FOXP1: variants seen among roughly 807,000 people sequenced by gnomAD.
The protein encoded by FOXP1 is forkhead box P1, also known as forkhead box protein P1.
In FOXP1, 15 loss-of-function variants were observed where a neutral mutation model predicts 98.2. That is an observed-to-expected ratio of 0.15 (90% CI 0.10 to 0.24). FOXP1 has a LOEUF of 0.24. Ranked by LOEUF, FOXP1 falls within the 10% of genes least tolerant of loss-of-function variation. FOXP1 has a pLI of 1.00. For missense variants in FOXP1, 633 were observed against 848.5 expected (o/e 0.75, Z 3.15); for synonymous variants, 371 against 314.5 (o/e 1.18, Z -1.90).
chr3:70,974,131 G>A (rs1040696366), intron 17 of FOXP1, among the ~76,000 whole-genome samples: 13 of 151,934 alleles, frequency 8.6e-5, no homozygotes, highest in East Asian at 1.9e-4. Flanking sequence ...AATTGAGGTC[G>A]GTTCAAGATA....
intron 6 of FOXP1, among the ~76,000 whole-genome samples, chr3:71,190,516 C>G (rs2062902176): frequency 1.3e-5 from 2 of 151,174 alleles, no homozygotes; most frequent in South Asian, 4.2e-4. Flanking sequence ...AACTCAGAAG[C>G]CTGATGGTGG....
chr3:71,245,619 C>G (rs1420706166), intron 5 of FOXP1, among the ~76,000 whole-genome samples: 1 of 140,496 alleles, frequency 7.1e-6, no homozygotes, highest in Non-Finnish European at 1.5e-5. Flanking sequence ...TTAGAAGTAC[C>G]TGCTAAATAA....
At chr3:71,243,816 T>C (rs1419624806) in intron 5 of FOXP1, among the ~76,000 whole-genome samples, 2 of 152,230 alleles carry the variant, frequency 1.3e-5, no homozygotes, top group African/African-American at 4.8e-5. Flanking sequence ...TCTTGTGGTC[T>C]TTACTCTTTC....
intron 2 of FOXP1, among the ~76,000 whole-genome samples, chr3:71,499,382 C>T (rs1310797401): frequency 1.3e-5 from 2 of 152,198 alleles, no homozygotes; most frequent in East Asian, 3.8e-4. Context: ...TTTGAGAATG[C>T]TAAATGGCAA....
chr3:70,960,664 C>T (rs2033165600), intron 20 of FOXP1, among the ~76,000 whole-genome samples: 2 of 151,984 alleles, frequency 1.3e-5, no homozygotes, highest in Admixed American at 1.3e-4. Context: ...GGATGGTTGG[C>T]TTCCTAAATA....
At chr3:71,194,951 T>C (rs750764647) in intron 6 of FOXP1, among the ~76,000 whole-genome samples, 1 of 152,084 alleles carries the variant, frequency 6.6e-6, no homozygotes, top group Non-Finnish European at 1.5e-5. Flanking sequence ...GGCTTCTGAG[T>C]GATGAGTCTA....
intron 4 of FOXP1, among the ~76,000 whole-genome samples, chr3:71,352,143 T>C (rs757388554): frequency 6.6e-5 from 10 of 152,062 alleles, no homozygotes; most frequent in Admixed American, 4.6e-4. Context: ...TATGTGTGCG[T>C]GAGGAAGACT....
At chr3:70,972,858 A>C (rs1218762712) in intron 17 of FOXP1, among the ~76,000 whole-genome samples, 182 bp from the exon 18 acceptor site, 2 of 152,176 alleles carry the variant, frequency 1.3e-5, no homozygotes, top group South Asian at 2.1e-4. Context: ...AATAAACCAA[A>C]ATTATAAATT....
intron 5 of FOXP1, among the ~76,000 whole-genome samples, chr3:71,259,218 G>A (rs1221265441): frequency 2.0e-5 from 3 of 152,190 alleles, no homozygotes; most frequent in Non-Finnish European, 2.9e-5. Context: ...GGCAACCAAA[G>A]GCTTCTAACA....
At chr3:71,298,758 T>G (rs771968368) in intron 5 of FOXP1, among the ~76,000 whole-genome samples, 15 of 151,420 alleles carry the variant, frequency 9.9e-5, no homozygotes, top group Non-Finnish European at 2.2e-4. Context: ...ATATATGCAT[T>G]CTAGAACCCC....
At chr3:71,458,912 A>G (rs2087755230) in intron 3 of FOXP1, among the ~76,000 whole-genome samples, 1 of 152,248 alleles carries the variant, frequency 6.6e-6, no homozygotes, top group Non-Finnish European at 1.5e-5. Context: ...CCATTCCAAT[A>G]GGAAATATTT....
chr3:71,269,292 A>G (rs1358169445), intron 5 of FOXP1, among the ~76,000 whole-genome samples: 1 of 152,146 alleles, frequency 6.6e-6, no homozygotes, highest in Non-Finnish European at 1.5e-5. Context: ...AATTGCCAGG[A>G]AACAAATTAC....
chr3:71,008,222 G>C (rs941023027), intron 12 of FOXP1, among the ~76,000 whole-genome samples: 1 of 152,020 alleles, frequency 6.6e-6, no homozygotes, highest in South Asian at 2.1e-4. Flanking sequence ...AGGGAAATGT[G>C]GTCAGGATTT....
At chr3:71,050,047 T>A (rs1192204420) in intron 9 of FOXP1, among the ~76,000 whole-genome samples, 1 of 152,176 alleles carries the variant, frequency 6.6e-6, no homozygotes, top group Non-Finnish European at 1.5e-5. Flanking sequence ...CCTAGCGACC[T>A]GGAGATGCAA....
At chr3:71,349,641 T>TA (rs55905925) in intron 4 of FOXP1, among the ~76,000 whole-genome samples, 2,126 of 149,542 alleles carry the variant, frequency 0.014, 52 homozygotes, top group East Asian at 0.12. Context: ...CATGCAAAAA[T>TA]AAAAAAAAAA....
intron 5 of FOXP1, among the ~76,000 whole-genome samples, chr3:71,286,009 T>A (rs1327834713): frequency 6.6e-6 from 1 of 152,224 alleles, no homozygotes; most frequent in Non-Finnish European, 1.5e-5. Context: ...TGTGCCAACA[T>A]AAGAGTGTAC....
intron 5 of FOXP1, among the ~76,000 whole-genome samples, chr3:71,254,176 T>C (rs1395743919): frequency 6.6e-6 from 1 of 152,198 alleles, no homozygotes; most frequent in African/African-American, 2.4e-5. Flanking sequence ...ACTCTGGGTA[T>C]TTTCCTCCCC....
intron 6 of FOXP1, among the ~76,000 whole-genome samples, chr3:71,131,717 T>TA (rs893134494): frequency 1.3e-5 from 2 of 152,132 alleles, no homozygotes; most frequent in Non-Finnish European, 2.9e-5. Context: ...ACGCTGAAGA[T>TA]AAACCGCCAG....
At chr3:71,113,535 A>G (rs2058107258) in intron 6 of FOXP1, among the ~76,000 whole-genome samples, 1 of 152,182 alleles carries the variant, frequency 6.6e-6, no homozygotes, top group South Asian at 2.1e-4. Context: ...CAACATGGTG[A>G]AACCCTGTCT....
Sources: allele counts gnomAD v4.1 joint callset (sites outside exome capture counted in the v4.1 genomes callset), GRCh38; gene constraint gnomAD v4.1.1; transcripts MANE v1.5; gene names NCBI Gene and HGNC (gene_info 2026-07-23, HGNC 2026-07-21).